The following DOCK5 variants were observed in gnomAD, a reference collection of about 807,000 sequenced individuals.
The protein encoded by DOCK5 is dedicator of cytokinesis protein 5.
A neutral mutation model predicts 251.8 loss-of-function variants in DOCK5; 142 were observed. That is an observed-to-expected ratio of 0.56 (90% CI 0.49 to 0.65). DOCK5 has a LOEUF of 0.65. Ranked by LOEUF, DOCK5 falls within the 30% of genes least tolerant of loss-of-function variation. The pLI is 0.00. For synonymous variants in DOCK5, 842 were observed against 835.5 expected (o/e 1.01, Z -0.13); for missense variants, 2,111 against 2,312.3 (o/e 0.91, Z 1.79).
intron 18 of DOCK5, among the ~76,000 whole-genome samples, chr8:25,330,150 G>A (rs893136926): frequency 1.3e-5 from 2 of 152,118 alleles, no homozygotes; most frequent in Non-Finnish European, 2.9e-5. Flanking sequence ...TGATACCTTC[G>A]ACTAGCCTGT....
At chr8:25,233,623 A>G (rs943376632) in intron 1 of DOCK5, among the ~76,000 whole-genome samples, 4 of 152,222 alleles carry the variant, frequency 2.6e-5, no homozygotes, top group African/African-American at 7.2e-5. Context: ...CACTTGCCCT[A>G]GAGTCCAGGA....
At chr8:25,250,025 A>G (rs1803226428) in intron 2 of DOCK5, among the ~76,000 whole-genome samples, 1 of 152,238 alleles carries the variant, frequency 6.6e-6, no homozygotes, top group Non-Finnish European at 1.5e-5. Flanking sequence ...TACTGCTGCA[A>G]ACATTTGCGT....
Position 25,300,582 on chromosome 8 carries a change from C to A in DOCK5, c.771C>A (p.Asn257Lys). Reference sequence around the variant, plus strand: ...TTTTTTTTTCCTTTGCCAGTGAGAACTATCTAATTCGTTGGGGCAGTAACG... The same window carrying A: ...TTTTTTTTTCCTTTGCCAGTGAGAAATATCTAATTCGTTGGGGCAGTAACG... ...DPDQSTFISE[N>K]YLIRWGSNGM... Residue 257 changes from asparagine to lysine, a missense_variant, in exon 9 of 52, where the codon AAC becomes AAA. Coordinates refer to ENST00000276440, the MANE Select transcript of DOCK5 (RefSeq NM_024940.8). 6.2e-7 allele frequency: 1 copy of A among 1,612,456 alleles called. No individual in the cohort carries two copies. Among genetic ancestry groups the A allele is most frequent in the Non-Finnish European group, 8.5e-7 (1 of 1,179,238 alleles).
chr8:25,362,656 G>A (rs1187961064), intron 28 of DOCK5, among the ~76,000 whole-genome samples: 1 of 151,560 alleles, frequency 6.6e-6, no homozygotes, highest in African/African-American at 2.4e-5. Context: ...TAGTAGAGAT[G>A]GGATTTCACT....
chr8:25,294,335 A>G (rs1356818939), intron 6 of DOCK5, among the ~76,000 whole-genome samples: 1 of 152,144 alleles, frequency 6.6e-6, no homozygotes, highest in African/African-American at 2.4e-5. Flanking sequence ...CTTGATAGAG[A>G]TGCTGTAAAA....
intron 2 of DOCK5, among the ~76,000 whole-genome samples, chr8:25,248,044 G>A (rs549859297): frequency 3.9e-5 from 6 of 152,310 alleles, no homozygotes; most frequent in Non-Finnish European, 8.8e-5. Context: ...GTGAAGGGGA[G>A]GGAGGTTGAG....
chr8:25,302,248 G>T, intron 9 of DOCK5, 77 bp from the exon 10 acceptor site: 1 of 1,490,612 alleles, frequency 6.7e-7, no homozygotes. Context: ...TTTTGTTGTA[G>T]AGGGTAAAGA....
In DOCK5 at chr8:25,351,305, G is replaced by A. The variant is rs190160331; in HGVS notation, c.2755-426G>A. 371 of 158,908 alleles carry A rather than the reference G, an allele frequency of 2.3e-3. 4 individuals carry two copies. Among genetic ancestry groups the A allele is most frequent in the African/African-American group, 8.4e-3 (350 of 41,640 alleles). 9.8% of individuals were successfully genotyped at this position (158,908 alleles called of 1,614,324 possible). On this transcript the variant is annotated intron_variant, in intron 26 of 51. Transcript: ENST00000276440. ...GAACTCCTGACCTTGTAATCCGCCC[G>A]CCTCAGCCTCCCAAAGTGCTGGGAT...
At position 25,184,798 on chromosome 8, in the gene DOCK5, CG is replaced by C; in HGVS notation, c.-109del. On this transcript the variant is annotated 5_prime_UTR_variant, in exon 1 of 52. Transcript: ENST00000276440. ...GCCCGCGGAGTCCAGCGAAGTTTGG[CG>C]GAACATGGCGGAAGCGTCTGGGGCA... is the stretch of plus-strand genomic sequence containing the variant. 1.9e-6 allele frequency: 2 copies of C among 1,048,342 alleles called. No individual in the cohort carries two copies. The highest frequency in any genetic ancestry group is 2.4e-6 in the Non-Finnish European group (2 of 820,170). 64.9% of individuals were successfully genotyped at this position (1,048,342 alleles called of 1,614,324 possible). A position where few individuals can be genotyped will look rare whatever the true frequency, so the allele number is the denominator to read the frequency against.
chr8:25,361,887 G>A (rs949925303), intron 28 of DOCK5, among the ~76,000 whole-genome samples: 3 of 152,202 alleles, frequency 2.0e-5, no homozygotes, highest in African/African-American at 7.2e-5. Flanking sequence ...CACATACTGT[G>A]TCCAGGCAGA....
intron 3 of DOCK5, chr8:25,270,978 GA>G (rs1803893251): frequency 4.4e-6 from 2 of 453,014 alleles, no homozygotes; most frequent in Admixed American, 3.5e-5. Context: ...ATTGTTTAGG[GA>G]ATAATGACAA....
chr8:25,288,406 T>C (rs1366890175), intron 5 of DOCK5, among the ~76,000 whole-genome samples: 1 of 152,192 alleles, frequency 6.6e-6, no homozygotes, highest in Non-Finnish European at 1.5e-5. Context: ...TGGCACAGTA[T>C]ATCAGAGAAG....
chr8:25,375,261 C>G (rs1472884931), intron 37 of DOCK5: 1 of 162,934 alleles, frequency 6.1e-6, no homozygotes, highest in African/African-American at 2.4e-5. Flanking sequence ...TAATAACATT[C>G]CCATCCATTT....
chr8:25,344,399 T>C (rs1044819189), intron 25 of DOCK5, among the ~76,000 whole-genome samples: 6 of 152,180 alleles, frequency 3.9e-5, no homozygotes, highest in African/African-American at 1.4e-4. Flanking sequence ...AACCTCATTT[T>C]ATGTATGTAT....
chr8:25,252,738 G>T (rs1326856978), intron 2 of DOCK5, among the ~76,000 whole-genome samples: 2 of 152,176 alleles, frequency 1.3e-5, no homozygotes, highest in Non-Finnish European at 2.9e-5. Context: ...TCAGTGAAAA[G>T]TCTTATCTCG....
intron 22 of DOCK5, 125 bp from the exon 23 acceptor site, chr8:25,340,752 T>A (rs1446335100): frequency 1.3e-5 from 10 of 771,476 alleles, no homozygotes; most frequent in Admixed American, 1.0e-4. Context: ...TGACTGGGGC[T>A]TAATTAGGTG....
intron 10 of DOCK5, among the ~76,000 whole-genome samples, chr8:25,303,881 G>C (rs1313531775): frequency 6.6e-6 from 1 of 152,188 alleles, no homozygotes; most frequent in African/African-American, 2.4e-5. Context: ...CAGGAGAATT[G>C]CTTGAACAGG....
intron 13 of DOCK5, among the ~76,000 whole-genome samples, chr8:25,315,438 T>C (rs903763396): frequency 6.6e-6 from 1 of 152,192 alleles, no homozygotes; most frequent in Admixed American, 6.5e-5. Context: ...GGCACTAGAC[T>C]GTAACCTGAG....
chr8:25,286,713 G>C (rs1258311272), intron 5 of DOCK5, among the ~76,000 whole-genome samples: 1 of 151,946 alleles, frequency 6.6e-6, no homozygotes, highest in African/African-American at 2.4e-5. Context: ...ACCCAGGCAG[G>C]AGGGCAGTGG....
Sources: gnomAD v4.1 joint callset for allele counts (sites outside exome capture counted in the v4.1 genomes callset) on GRCh38, gnomAD v4.1.1 for gene constraint, MANE v1.5 for transcripts, NCBI Gene and HGNC (gene_info 2026-07-23, HGNC 2026-07-21) for gene names.